FNDC3B: variants seen among roughly 807,000 people sequenced by gnomAD.
The protein encoded by FNDC3B is fibronectin type III domain containing 3B, also known as fibronectin type III domain-containing protein 3B.
FNDC3B carries 12 observed loss-of-function variants against 151.5 expected under a neutral mutation model. The observed-to-expected ratio is 0.08, with a 90% CI of 0.05 to 0.13. The LOEUF (loss-of-function observed/expected upper bound fraction) is 0.13, where lower values mean the gene tolerates loss of function less well. Among genes scored for constraint, FNDC3B ranks in the 10% least tolerant of loss-of-function variants. FNDC3B has a pLI of 1.00. For missense variants in FNDC3B, 1,214 were observed against 1,505.3 expected (o/e 0.81, Z 3.20); for synonymous variants, 528 against 549.0 (o/e 0.96, Z 0.54).
intron 25 of FNDC3B, among the ~76,000 whole-genome samples, chr3:172,384,494 G>T (rs1318879639): frequency 6.6e-6 from 1 of 152,164 alleles, no homozygotes; most frequent in African/African-American, 2.4e-5. Flanking sequence ...AAAATATGAG[G>T]TGTTAAGAAA....
At chr3:172,197,060 G>C (rs2108682327) in intron 3 of FNDC3B, among the ~76,000 whole-genome samples, 1 of 151,888 alleles carries the variant, frequency 6.6e-6, no homozygotes, top group South Asian at 2.1e-4. Flanking sequence ...ATGTGCCTGT[G>C]GTCCCAGCTA....
chr3:172,389,585 T>TG (rs1330568765), intron 25 of FNDC3B, among the ~76,000 whole-genome samples: 5 of 151,866 alleles, frequency 3.3e-5, no homozygotes, highest in East Asian at 3.9e-4. Context: ...TGTTCACGTG[T>TG]GGGGGGGTGG....
chr3:172,213,146 C>T (rs545997416), intron 3 of FNDC3B, among the ~76,000 whole-genome samples: 1 of 152,306 alleles, frequency 6.6e-6, no homozygotes, highest in East Asian at 1.9e-4. Flanking sequence ...CCTTCTTTCT[C>T]CTTATCTGTT....
At chr3:172,169,296 C>T (rs1235068273) in intron 3 of FNDC3B, among the ~76,000 whole-genome samples, 1 of 152,200 alleles carries the variant, frequency 6.6e-6, no homozygotes, top group African/African-American at 2.4e-5. Context: ...GTTGCCTGAG[C>T]GGCGCTCCGG....
rs376561554 is a variant in FNDC3B at position 172,247,714 on chromosome 3, G to C, written c.446G>C (p.Gly149Ala). ...TAYYPPVTGP[G>A]DMPPQFFPQH... ...TACTACCCACCTGTTACCGGACCTG[G>C]AGATATGCCGCCTCAGTTTTTTCCC... Residue 149 changes from glycine to alanine, a missense_variant, in exon 5 of 26, where the codon GGA becomes GCA. By Grantham distance (60) the Gly-to-Ala change is moderately conservative. Coordinates refer to ENST00000415807, the MANE Select transcript of FNDC3B (RefSeq NM_022763.4). 8 of 1,613,942 alleles carry C rather than the reference G, an allele frequency of 5.0e-6. No homozygotes were observed. The highest frequency in any genetic ancestry group is 6.8e-6 in the Non-Finnish European group (8 of 1,179,998).
intron 3 of FNDC3B, among the ~76,000 whole-genome samples, chr3:172,199,341 G>C (rs1026732472): frequency 9.4e-4 from 143 of 151,330 alleles, no homozygotes; most frequent in Non-Finnish European, 1.7e-3. Flanking sequence ...CACCTCGCCT[G>C]GCTAATTTTT....
At chr3:172,309,470 G>A (rs752117937) in intron 10 of FNDC3B, among the ~76,000 whole-genome samples, 5 of 120,416 alleles carry the variant, frequency 4.2e-5, no homozygotes, top group African/African-American at 6.2e-5. Flanking sequence ...CTTAGAGATG[G>A]GTTCTCATCT....
At chr3:172,186,207 A>C (rs935540817) in intron 3 of FNDC3B, among the ~76,000 whole-genome samples, 1 of 152,190 alleles carries the variant, frequency 6.6e-6, no homozygotes, top group Non-Finnish European at 1.5e-5. Flanking sequence ...TGCTCTGCCT[A>C]CTATAGTTTC....
rs1316337884 is a variant in FNDC3B, at chr3:172,112,608, G to A, written c.111+18G>A. On this transcript the variant is annotated intron_variant, in intron 2 of 25. Transcript: ENST00000415807. ...CTCAGCAGGTTGGTGTAGGAAGAGG[G>A]AAATTTAAGTCAAATTGTCTAAGTG... 6.6e-7 allele frequency: 1 copy of A among 1,516,402 alleles called. No individual in the cohort carries two copies. 93.9% of individuals were successfully genotyped at this position (1,516,402 alleles called of 1,614,324 possible).
chr3:172,169,108 T>C (rs1169333936), intron 3 of FNDC3B, among the ~76,000 whole-genome samples: 1 of 148,822 alleles, frequency 6.7e-6, no homozygotes, highest in East Asian at 1.9e-4. Context: ...CATTCGTATT[T>C]TCAGCCACAC....
At chr3:172,316,185 T>G (rs1576903952) in intron 11 of FNDC3B, among the ~76,000 whole-genome samples, 2 of 152,006 alleles carry the variant, frequency 1.3e-5, no homozygotes, top group African/African-American at 4.8e-5. Context: ...TTTTTATATT[T>G]TTAGTATGTT....
At chr3:172,071,728 T>C (rs1304252936) in intron 1 of FNDC3B, among the ~76,000 whole-genome samples, 1 of 152,138 alleles carries the variant, frequency 6.6e-6, no homozygotes, top group African/African-American at 2.4e-5. Context: ...AAAATACTTA[T>C]TAGCTAAAAA....
chr3:172,313,436 A>G (rs1731620758), intron 11 of FNDC3B, among the ~76,000 whole-genome samples: 1 of 152,228 alleles, frequency 6.6e-6, no homozygotes, highest in African/African-American at 2.4e-5. Flanking sequence ...CATTTACATT[A>G]TTTATGCTCT....
chr3:172,233,685 T>C (rs1560031095), intron 4 of FNDC3B, among the ~76,000 whole-genome samples: 1 of 152,236 alleles, frequency 6.6e-6, no homozygotes, highest in African/African-American at 2.4e-5. Context: ...TGTTTCACCT[T>C]CAACGTTGTG....
At chr3:172,147,629 C>T (rs1171261892) in intron 3 of FNDC3B, among the ~76,000 whole-genome samples, 1 of 152,120 alleles carries the variant, frequency 6.6e-6, no homozygotes, top group Non-Finnish European at 1.5e-5. Flanking sequence ...CCTGGAGGGC[C>T]TGTTAAAACA....
chr3:172,306,783 C>T (rs776778606), intron 9 of FNDC3B, among the ~76,000 whole-genome samples: 3 of 152,116 alleles, frequency 2.0e-5, no homozygotes, highest in Non-Finnish European at 1.5e-5. Context: ...TAAATATTCA[C>T]GTGGATTAAA....
chr3:172,233,519 G>T (rs984201145), intron 4 of FNDC3B, among the ~76,000 whole-genome samples: 1 of 152,190 alleles, frequency 6.6e-6, no homozygotes, highest in Non-Finnish European at 1.5e-5. Context: ...GAGCTGGCCA[G>T]AAAGCAGACA....
intron 3 of FNDC3B, among the ~76,000 whole-genome samples, chr3:172,147,098 G>C (rs578073019): frequency 2.0e-4 from 30 of 152,196 alleles, no homozygotes; most frequent in Admixed American, 1.2e-3. Context: ...TTGAGGTCAG[G>C]AGTTTGAGAC....
chr3:172,380,697 G>GA (rs951450027), intron 24 of FNDC3B, among the ~76,000 whole-genome samples: 219 of 152,240 alleles, frequency 1.4e-3, no homozygotes, highest in African/African-American at 5.0e-3. Context: ...TGCCATAGGA[G>GA]AAAAAAAGAT....
Sources: gnomAD v4.1 joint callset for allele counts (sites outside exome capture counted in the v4.1 genomes callset) on GRCh38, gnomAD v4.1.1 for gene constraint, MANE v1.5 for transcripts, NCBI Gene and HGNC (gene_info 2026-07-23, HGNC 2026-07-21) for gene names.